SCN4B: variants seen among roughly 807,000 people sequenced by gnomAD.
The protein encoded by SCN4B is sodium channel regulatory subunit beta-4.
A neutral mutation model predicts 19.6 loss-of-function variants in SCN4B; 20 were observed. That is an observed-to-expected ratio of 1.02 (90% CI 0.72 to 1.48). The LOEUF is 1.48. Ranked by LOEUF, SCN4B falls within the 40% of genes most tolerant of loss-of-function variation. The pLI, the probability that SCN4B is intolerant of heterozygous loss-of-function variation, is 0.00. For synonymous variants in SCN4B, 127 were observed against 122.8 expected (o/e 1.03, Z -0.22); for missense variants, 271 against 287.5 (o/e 0.94, Z 0.42).
chr11:118,137,056 C>T lies in SCN4B; in HGVS notation c.658G>A (p.Ala220Thr), dbSNP rs1235880227. The change falls in exon 5 of 5, where the codon GCA (alanine) becomes ACA (threonine). Residue 220 changes from alanine to threonine, a missense_variant. Coordinates refer to ENST00000324727, the MANE Select transcript of SCN4B (RefSeq NM_174934.4). Reference sequence around the variant, plus strand: ...ACTTTTGAAGGTGGTTTCTCCTCTGCCTTGGAGCCAGGCAAGCCGTTCTCC... The same window carrying T: ...ACTTTTGAAGGTGGTTTCTCCTCTGTCTTGGAGCCAGGCAAGCCGTTCTCC... ...NTENGLPGSK[A>T]EEKPPSKV 5.0e-6 allele frequency: 8 copies of T among 1,613,938 alleles called. No homozygotes were observed. Among genetic ancestry groups the T allele is most frequent in the East Asian group, 2.2e-5 (1 of 44,890 alleles).
rs1424853566 is a variant in SCN4B, at chr11:118,135,523, C to G, written c.*1504G>C. The G allele has an allele frequency of 1.1e-5, 5 of 454,102 alleles. 1 individual carries two copies. Among genetic ancestry groups the G allele is most frequent in the South Asian group, 7.8e-5 (5 of 64,480 alleles). The allele number at this position is 454,102 out of a possible 1,614,324, so 28.1% of individuals were successfully genotyped here. ...CTTTTCCCTGCCATCCCTGGCCTCA[C>G]CAATTCTGCCCAACAAGGACTCAGG... On this transcript the variant is annotated 3_prime_UTR_variant, in exon 5 of 5. Coordinates refer to ENST00000324727, the MANE Select transcript of SCN4B (RefSeq NM_174934.4).
Position 118,152,661 on chromosome 11 carries a change from C to T in SCN4B, c.13G>A (p.Gly5Arg). Residue 5 changes from glycine (G) to arginine (R), a missense_variant, in exon 1 of 5, where the codon GGG becomes AGG. Gly to Arg is a moderately radical substitution (Grantham distance 125). Transcript: ENST00000324727. MPGA[G>R]DGGKAPARWL... ...CTCGCCGGGGCTTTGCCTCCGTCCC[C>T]AGCCCCGGGCATAGTCCTGTTCTCT... The T allele has an allele frequency of 6.2e-7, 1 of 1,611,018 alleles. No homozygotes were observed. The highest frequency in any genetic ancestry group is 2.2e-5 in the East Asian group (1 of 44,796).
chr11:118,146,783 C>T (rs547232480), intron 1 of SCN4B, among the ~76,000 whole-genome samples: 1 of 152,318 alleles, frequency 6.6e-6, no homozygotes, highest in African/African-American at 2.4e-5. Context: ...TTCATCCTCA[C>T]GGCCTGTCCT....
At chr11:118,152,550 G>A (rs755929710) in intron 1 of SCN4B, 63 bp downstream of exon 1, 64 of 1,394,214 alleles carry the variant, frequency 4.6e-5, no homozygotes, top group Non-Finnish European at 6.3e-5. Context: ...CTTCCTTCTC[G>A]AGTGTCCCCT....
chr11:118,149,478 C>T (rs1293753090), intron 1 of SCN4B, among the ~76,000 whole-genome samples: 1 of 152,178 alleles, frequency 6.6e-6, no homozygotes, highest in Non-Finnish European at 1.5e-5. Flanking sequence ...GGGTGCAGGC[C>T]CTGGGGGCTT....
chr11:118,133,415 AAATAC>A lies in SCN4B; in HGVS notation c.*3607_*3611del, dbSNP rs569520041. On this transcript the variant is annotated 3_prime_UTR_variant, in exon 5 of 5. Coordinates refer to ENST00000324727, the MANE Select transcript of SCN4B (RefSeq NM_174934.4). ...TTTTTATTTCATCCAAGGCAAAGCT[AAATAC>A]AATTCTACAATGCAAAACTTGTTGT... 2.1e-3 allele frequency: 892 copies of A among 415,652 alleles called. 5 individuals are homozygous for A. Among genetic ancestry groups the A allele is most frequent in the Admixed American group, 2.9e-3 (108 of 37,390 alleles). The allele number at this position is 415,652 out of a possible 1,614,324, so 25.7% of individuals were successfully genotyped here.
intron 4 of SCN4B, among the ~76,000 whole-genome samples, chr11:118,140,660 C>T (rs1948083747): frequency 6.6e-6 from 1 of 152,224 alleles, no homozygotes. Context: ...CTCCCCTTCC[C>T]CTTATAGATG....
At chr11:118,146,708 G>A (rs1162197739) in intron 1 of SCN4B, among the ~76,000 whole-genome samples, 1 of 152,084 alleles carries the variant, frequency 6.6e-6, no homozygotes, top group Admixed American at 6.6e-5. Context: ...ATCGTGATTC[G>A]GCCATTGTCG....
At chr11:118,138,502 C>CTCTT (rs959046559) in intron 4 of SCN4B, among the ~76,000 whole-genome samples, 4 of 152,182 alleles carry the variant, frequency 2.6e-5, no homozygotes, top group Admixed American at 6.5e-5. Context: ...CTGTCTCTCT[C>CTCTT]TCTTTCTTTC....
chr11:118,140,626 CCCTCCGTA>C (rs1288168353), intron 4 of SCN4B, among the ~76,000 whole-genome samples: 1 of 152,232 alleles, frequency 6.6e-6, no homozygotes, highest in Non-Finnish European at 1.5e-5. Context: ...GAGGGTTGCA[CCCTCCGTA>C]CCTCCCCCAT....
chr11:118,146,378 G>A (rs2946742), intron 1 of SCN4B, among the ~76,000 whole-genome samples: 82,183 of 151,092 alleles, frequency 0.54, 22,548 homozygotes, highest in Middle Eastern at 0.67. Context: ...GGTCGGTGGA[G>A]GCGGGGGCGG....
intron 4 of SCN4B, among the ~76,000 whole-genome samples, chr11:118,138,491 T>C (rs79822825): frequency 0.027 from 4,054 of 152,190 alleles, 165 homozygotes; most frequent in African/African-American, 0.091. Flanking sequence ...TCTCTCTCTC[T>C]CTGTCTCTCT....
intron 1 of SCN4B, among the ~76,000 whole-genome samples, chr11:118,149,596 C>A (rs1948216537): frequency 6.6e-6 from 1 of 152,206 alleles, no homozygotes; most frequent in Non-Finnish European, 1.5e-5. Context: ...TCCCCAGGAG[C>A]TTTGCTGGTA....
chr11:118,146,048 C>G (rs1948170030), intron 1 of SCN4B, among the ~76,000 whole-genome samples: 1 of 152,012 alleles, frequency 6.6e-6, no homozygotes, highest in Admixed American at 6.5e-5. Context: ...GGATTCCGGG[C>G]CAGCCCGAGT....
chr11:118,151,179 C>T (rs1191179543), intron 1 of SCN4B, among the ~76,000 whole-genome samples: 1 of 151,998 alleles, frequency 6.6e-6, no homozygotes, highest in South Asian at 2.1e-4. Flanking sequence ...CTTGGTTGCC[C>T]ACAGAGGCCT....
In SCN4B at chr11:118,134,058, G is replaced by A. The variant is rs1325924394; in HGVS notation, c.*2969C>T. 4.4e-6 allele frequency: 2 copies of A among 454,530 alleles called. No individual in the cohort carries two copies. The highest frequency in any genetic ancestry group is 4.7e-5 in the Admixed American group (2 of 42,568). 28.2% of individuals were successfully genotyped at this position (454,530 alleles called of 1,614,324 possible). A position where few individuals can be genotyped will look rare whatever the true frequency, so the allele number is the denominator to read the frequency against. Reference sequence around the variant, plus strand: ...CACCCCACCTCCTGCCATCTCACAAGCATGCTCTCAAGCCCTCGCTCCACA... The same window carrying A: ...CACCCCACCTCCTGCCATCTCACAAACATGCTCTCAAGCCCTCGCTCCACA... On this transcript the variant is annotated 3_prime_UTR_variant, in exon 5 of 5. Transcript: ENST00000324727.
In SCN4B at chr11:118,143,888, G is replaced by A; in HGVS notation, c.408C>T (p.Pro136=). The A allele has an allele frequency of 1.2e-6, 2 of 1,613,600 alleles. No homozygotes were observed. Among genetic ancestry groups the A allele is most frequent in the South Asian group, 2.2e-5 (2 of 91,020 alleles). ...CGTGGTGCTGGAGATTATTCTCCTT[G>A]GGGTTCTTCACATGGCAGGTGTATT... is the stretch of plus-strand genomic sequence containing the variant. ...TGKYTCHVKN[P]KENNLQHHAT... is the part of the protein sequence containing the mutation. Residue 136 remains proline (P), a synonymous_variant, in exon 3 of 5, where the codon CCC becomes CCT. Coordinates refer to ENST00000324727, the MANE Select transcript of SCN4B (RefSeq NM_174934.4).
rs890301752 is a variant in SCN4B, at chr11:118,135,105, G to A, written c.*1922C>T. The A allele has an allele frequency of 5.1e-5, 23 of 454,134 alleles. No individual in the cohort carries two copies. In the Admixed American group the frequency reaches 5.2e-4, roughly 10 times the overall value. The allele number at this position is 454,134 out of a possible 1,614,324, so 28.1% of individuals were successfully genotyped here. A position where few individuals can be genotyped will look rare whatever the true frequency, so the allele number is the denominator to read the frequency against. On this transcript the variant is annotated 3_prime_UTR_variant, in exon 5 of 5. Coordinates refer to ENST00000324727, the MANE Select transcript of SCN4B (RefSeq NM_174934.4). ...CAGTTTTGCATGAAGGTAGCTATAAGAAGTTTTCTGAATGGCTGGTGGCTC... is the reference window on the plus strand; with the variant it reads ...CAGTTTTGCATGAAGGTAGCTATAAAAAGTTTTCTGAATGGCTGGTGGCTC...
chr11:118,145,694 G>A (rs555758932), intron 1 of SCN4B: 4 of 312,776 alleles, frequency 1.3e-5, no homozygotes, highest in Non-Finnish European at 2.5e-5. Flanking sequence ...CGGGGCGGTC[G>A]AGGAGGGGGA....
Sources: gnomAD v4.1 joint callset for allele counts (sites outside exome capture counted in the v4.1 genomes callset) on GRCh38, gnomAD v4.1.1 for gene constraint, MANE v1.5 for transcripts, NCBI Gene and HGNC (gene_info 2026-07-23, HGNC 2026-07-21) for gene names.